Variants in BANK1 observed in about 807,000 individuals in gnomAD.
The protein encoded by BANK1 is B cell scaffold protein with ankyrin repeats 1.
A neutral mutation model predicts 94.5 loss-of-function variants in BANK1; 95 were observed. That is an observed-to-expected ratio of 1.00 (90% CI 0.85 to 1.19). The LOEUF (loss-of-function observed/expected upper bound fraction) is 1.19. BANK1 is among the 50% of genes most tolerant of loss of function. BANK1 has a pLI of 0.00. For synonymous variants in BANK1, 334 were observed against 308.4 expected (o/e 1.08, Z -0.87); for missense variants, 987 against 932.2 (o/e 1.06, Z -0.77).
At chr4:101,857,851 A>G (rs1170443957) in intron 3 of BANK1, among the ~76,000 whole-genome samples, 5 of 152,090 alleles carry the variant, frequency 3.3e-5, no homozygotes, top group Admixed American at 2.0e-4. Flanking sequence ...TTTACTTTCT[A>G]TAAGACTGGC....
At position 102,021,556 on chromosome 4, in the gene BANK1, G is replaced by T; in HGVS notation, c.1249G>T (p.Glu417Ter). The T allele has an allele frequency of 6.8e-7, 1 of 1,467,324 alleles. No individual in the cohort carries two copies. Among genetic ancestry groups the T allele is most frequent in the Non-Finnish European group, 9.2e-7 (1 of 1,089,838 alleles). The allele number at this position is 1,467,324 out of a possible 1,614,324, so 90.9% of individuals were successfully genotyped here. A position where few individuals can be genotyped will look rare whatever the true frequency, so the allele number is the denominator to read the frequency against. Residue 417 changes from glutamate to a stop codon, truncating the protein, a stop_gained, in exon 8 of 17, where the codon GAA becomes TAA. Coordinates refer to ENST00000322953, the MANE Select transcript of BANK1 (RefSeq NM_017935.5). LOFTEE classifies it high-confidence loss of function. ...AAATAATGAGCAAGAAAATGATTAT[G>T]AAGAGGATATTGCCTCATTTTCCAC... Reference protein sequence around the residue: ...DINNEQENDYEEDIASFSTYI... With the variant: ...DINNEQENDY
chr4:101,839,507 G>A (rs1314790141), intron 2 of BANK1, among the ~76,000 whole-genome samples: 1 of 152,070 alleles, frequency 6.6e-6, no homozygotes, highest in Non-Finnish European at 1.5e-5. Context: ...CCATTTAATA[G>A]CTTCCCATAT....
rs750150203 is a variant in BANK1 at position 101,830,215 on chromosome 4, G to T, written c.469+9G>T. 3.4e-6 allele frequency: 5 copies of T among 1,465,084 alleles called. No homozygotes were observed. The highest frequency in any genetic ancestry group is 2.7e-6 in the Non-Finnish European group (3 of 1,111,832). 90.8% of individuals were successfully genotyped at this position (1,465,084 alleles called of 1,614,324 possible). On this transcript the variant is annotated intron_variant, in intron 2 of 16. Transcript: ENST00000322953. ...GAGTATCATATTCAAAGGTAGTGTT[G>T]CCAAACCTTGTTTGTTTTATTTTTA...
intron 7 of BANK1, among the ~76,000 whole-genome samples, chr4:101,943,810 T>C (rs937608505): frequency 2.0e-5 from 3 of 151,904 alleles, no homozygotes; most frequent in South Asian, 2.1e-4. Flanking sequence ...TGTTATGAAA[T>C]GCTCAAGCTC....
intron 16 of BANK1, 31 bp downstream of exon 16, chr4:102,073,779 A>C: frequency 1.3e-6 from 2 of 1,558,184 alleles, no homozygotes; most frequent in Non-Finnish European, 8.8e-7. Context: ...ATTTTTTAGA[A>C]AATCTAAAGC....
At chr4:102,046,263 C>T (rs1318872889) in intron 11 of BANK1, among the ~76,000 whole-genome samples, 1 of 151,956 alleles carries the variant, frequency 6.6e-6, no homozygotes, top group African/African-American at 2.4e-5. Context: ...AAACTGGATC[C>T]CTTCCTTATA....
chr4:101,871,519 T>C (rs927414973), intron 5 of BANK1, among the ~76,000 whole-genome samples: 2 of 152,060 alleles, frequency 1.3e-5, no homozygotes, highest in African/African-American at 2.4e-5. Flanking sequence ...TGTGACACAT[T>C]TTTCTATTAG....
At chr4:101,991,464 A>G (rs916153146) in intron 7 of BANK1, among the ~76,000 whole-genome samples, 1 of 152,212 alleles carries the variant, frequency 6.6e-6, no homozygotes, top group African/African-American at 2.4e-5. Flanking sequence ...TTTACTTTTT[A>G]CATGAGTAGA....
intron 7 of BANK1, among the ~76,000 whole-genome samples, chr4:102,019,896 C>T (rs1341794922): frequency 1.3e-5 from 2 of 152,132 alleles, no homozygotes; most frequent in African/African-American, 2.4e-5. Flanking sequence ...TCAAATCAAC[C>T]TAGACTTTTT....
chr4:101,929,695 A>G (rs943424785), intron 7 of BANK1, among the ~76,000 whole-genome samples: 1 of 151,492 alleles, frequency 6.6e-6, no homozygotes, highest in Non-Finnish European at 1.5e-5. Flanking sequence ...TTAAGTTGCA[A>G]TCATTTAAAG....
intron 2 of BANK1, among the ~76,000 whole-genome samples, chr4:101,850,639 G>C (rs1193622788): frequency 6.6e-6 from 1 of 152,098 alleles, no homozygotes; most frequent in Non-Finnish European, 1.5e-5. Context: ...TTGAAGGTTT[G>C]TGGCAACCTT....
At chr4:101,889,138 G>A (rs545693545) in intron 5 of BANK1, among the ~76,000 whole-genome samples, 2 of 152,174 alleles carry the variant, frequency 1.3e-5, no homozygotes, top group African/African-American at 4.8e-5. Flanking sequence ...GTGTATTATG[G>A]TAGTTTGTGT....
At chr4:101,938,003 A>G (rs1723626417) in intron 7 of BANK1, among the ~76,000 whole-genome samples, 1 of 151,376 alleles carries the variant, frequency 6.6e-6, no homozygotes, top group South Asian at 2.1e-4. Context: ...AAAAGCAAAC[A>G]CCACATGTTC....
intron 7 of BANK1, among the ~76,000 whole-genome samples, chr4:101,922,051 TGTGTGA>T (rs1353755403): frequency 6.0e-5 from 9 of 150,872 alleles, no homozygotes; most frequent in African/African-American, 1.9e-4. Context: ...TGTGTGTGTG[TGTGTGA>T]GACAGAGAGA....
At chr4:101,997,575 A>G (rs1250935598) in intron 7 of BANK1, among the ~76,000 whole-genome samples, 2 of 151,982 alleles carry the variant, frequency 1.3e-5, no homozygotes, top group Non-Finnish European at 2.9e-5. Context: ...TTGTTAGGCT[A>G]TTAATTACTG....
chr4:102,051,940 G>A (rs1728062106), intron 11 of BANK1, among the ~76,000 whole-genome samples: 1 of 152,004 alleles, frequency 6.6e-6, no homozygotes, highest in African/African-American at 2.4e-5. Flanking sequence ...CCTCTATCGT[G>A]GCAGCTGCAT....
At chr4:101,860,038 T>C (rs758684422) in intron 3 of BANK1, among the ~76,000 whole-genome samples, 15 of 152,168 alleles carry the variant, frequency 9.9e-5, no homozygotes, top group Non-Finnish European at 2.1e-4. Context: ...GAGCTGAAGT[T>C]GCAGGAGGAT....
chr4:101,982,915 T>G (rs556975090), intron 7 of BANK1, among the ~76,000 whole-genome samples: 32 of 152,140 alleles, frequency 2.1e-4, no homozygotes, highest in African/African-American at 7.2e-4. Context: ...ACCAAGATTA[T>G]GTAGAAGCTT....
chr4:101,850,169 G>T (rs1028884041), intron 2 of BANK1, among the ~76,000 whole-genome samples: 1 of 152,190 alleles, frequency 6.6e-6, no homozygotes, highest in Non-Finnish European at 1.5e-5. Context: ...AAACTCATTA[G>T]AGTATAAAAT....
Sources: allele counts gnomAD v4.1 joint callset (sites outside exome capture counted in the v4.1 genomes callset), GRCh38; gene constraint gnomAD v4.1.1; transcripts MANE v1.5; gene names NCBI Gene and HGNC (gene_info 2026-07-23, HGNC 2026-07-21).